The following ZNF846 variants were observed in gnomAD, a reference collection of about 807,000 sequenced individuals.
The protein encoded by ZNF846 is zinc finger protein 846, also known as zinc finger protein 420 pseudogene.
ZNF846 carries 15 observed loss-of-function variants against 16.0 expected under a neutral mutation model. The observed-to-expected ratio is 0.94, with a 90% CI of 0.63 to 1.45. The LOEUF is 1.45. ZNF846 is among the 40% of genes most tolerant of loss of function. The pLI is 0.00. For missense variants in ZNF846, 714 were observed against 622.3 expected, an observed-to-expected ratio of 1.15 and a Z score of -1.57; for synonymous variants, 229 against 212.0, an observed-to-expected ratio of 1.08 and a Z score of -0.70.
At chr19:9,763,884 T>G (rs2045270767) in intron 2 of ZNF846, among the ~76,000 whole-genome samples, 1 of 152,210 alleles carries the variant, frequency 6.6e-6, no homozygotes, top group African/African-American at 2.4e-5. Flanking sequence ...GGAGACCCAC[T>G]GAAACTATTG....
At position 9,762,453 on chromosome 19, in the gene ZNF846, C is replaced by T. The variant is rs149039071; in HGVS notation, c.143-285G>A. The T allele has an allele frequency of 1.4e-3, 354 of 260,464 alleles. 4 individuals carry two copies. The East Asian group carries it at 0.027, about 20-fold the overall frequency. The allele number at this position is 260,464 out of a possible 1,614,324, so 16.1% of individuals were successfully genotyped here. On this transcript the variant is annotated intron_variant, in intron 3 of 5. Transcript: ENST00000397902. ...AGGAGTTCAAGACCAGCCTGGCCAACGTGGTGAAACTTCCTCTCTACTAAA... is the reference window on the plus strand; with the variant it reads ...AGGAGTTCAAGACCAGCCTGGCCAATGTGGTGAAACTTCCTCTCTACTAAA...
chr19:9,749,620 C>T (rs1440056735), downstream of ZNF846, among the ~76,000 whole-genome samples: 3 of 148,724 alleles, frequency 2.0e-5, no homozygotes, highest in African/African-American at 7.5e-5. Flanking sequence ...CTCTCTACCT[C>T]TCCCTAGTTA....
chr19:9,759,507 G>A (rs2045187736), intron 5 of ZNF846, among the ~76,000 whole-genome samples: 2 of 151,700 alleles, frequency 1.3e-5, no homozygotes, highest in Admixed American at 1.3e-4. Context: ...GGAGGCTGAG[G>A]CTGGAGGATC....
chr19:9,778,111 G>A (rs988898981), intron 1 of ZNF846, among the ~76,000 whole-genome samples: 4 of 151,942 alleles, frequency 2.6e-5, no homozygotes. Flanking sequence ...AGACCTAATG[G>A]TATATCTACT....
intron 1 of ZNF846, among the ~76,000 whole-genome samples, chr19:9,785,270 T>C (rs150081373): frequency 6.8e-6 from 1 of 146,380 alleles, no homozygotes; most frequent in Non-Finnish European, 1.5e-5. Flanking sequence ...CGATCTCGGC[T>C]CACTGCAACT....
chr19:9,749,174 C>T (rs918674192), downstream of ZNF846, among the ~76,000 whole-genome samples: 7 of 152,182 alleles, frequency 4.6e-5, no homozygotes, highest in African/African-American at 9.7e-5. Flanking sequence ...TAAACTCACT[C>T]GCATTTCTGA....
At chr19:9,768,303 A>G (rs2045349869) in exon 1 of ZNF846, 1 of 151,844 alleles carries the variant, frequency 6.6e-6, no homozygotes, top group Non-Finnish European at 1.5e-5. Context: ...ACGCACTGCA[A>G]TCGCCCTGTC....
intron 1 of ZNF846, among the ~76,000 whole-genome samples, chr19:9,779,189 C>T (rs1444872195): frequency 6.6e-6 from 1 of 152,140 alleles, no homozygotes. Context: ...ACTGTAGCTT[C>T]GGGGTGTCAC....
At chr19:9,762,204 C>G in intron 3 of ZNF846, 36 bp from the exon 4 acceptor site, 1 of 1,504,960 alleles carries the variant, frequency 6.6e-7, no homozygotes, top group Non-Finnish European at 9.2e-7. Flanking sequence ...GAGGCCCATG[C>G]AAGACATAAC....
rs542486634 is a variant in ZNF846, at chr19:9,785,218, T to G, written c.-86+720A>C. Reference sequence around the variant, plus strand: ...CACCGAGATTTTTTTTTTTTTTTTTTTTTGAGACGGAGTCTCGCTCTATCA... The same window carrying G: ...CACCGAGATTTTTTTTTTTTTTTTTGTTTGAGACGGAGTCTCGCTCTATCA... On this transcript the variant is annotated intron_variant, in intron 1 of 4. Coordinates refer to the ZNF846 transcript ENST00000586814. Among the ~76,000 whole-genome samples, 1,333 of 149,858 alleles carry G rather than the reference T, an allele frequency of 8.9e-3. 17 individuals are homozygous for G. The highest frequency in any genetic ancestry group is 0.03 in the African/African-American group (1,223 of 40,710).
At chr19:9,768,994 G>A (rs2045364387), upstream of ZNF846, among the ~76,000 whole-genome samples, 1 of 152,228 alleles carries the variant, frequency 6.6e-6, no homozygotes, top group Non-Finnish European at 1.5e-5. Flanking sequence ...GGGGACTGGC[G>A]CAGCGGGCGG....
At chr19:9,751,692 C>A (rs1599379438), downstream of ZNF846, among the ~76,000 whole-genome samples, 1 of 152,120 alleles carries the variant, frequency 6.6e-6, no homozygotes, top group East Asian at 1.9e-4. Context: ...TTGTAACATT[C>A]CTCCCTGCCT....
intron 2 of ZNF846, among the ~76,000 whole-genome samples, chr19:9,764,389 T>C (rs918264143): frequency 2.6e-5 from 4 of 152,308 alleles, no homozygotes; most frequent in South Asian, 2.1e-4. Flanking sequence ...CTGTTAGAAA[T>C]TACTGACACA....
chr19:9,756,688 T>C (rs954707492), downstream of ZNF846: 1 of 148,806 alleles, frequency 6.7e-6, no homozygotes, highest in Non-Finnish European at 1.5e-5. Flanking sequence ...AGTGAAGATC[T>C]TGTAGCCTTT....
At chr19:9,752,695 T>C (rs1020792972), downstream of ZNF846, among the ~76,000 whole-genome samples, 2 of 150,366 alleles carry the variant, frequency 1.3e-5, no homozygotes, top group Non-Finnish European at 3.0e-5. Flanking sequence ...CATTCTAGAA[T>C]GCCTTGTAGC....
chr19:9,751,735 T>C (rs2045085389), downstream of ZNF846, among the ~76,000 whole-genome samples: 1 of 152,180 alleles, frequency 6.6e-6, no homozygotes, highest in African/African-American at 2.4e-5. Flanking sequence ...CCCTTGTGAA[T>C]GTACTTTGTA....
chr19:9,756,320 C>CAT (rs1257250896), downstream of ZNF846: 1 of 80,870 alleles, frequency 1.2e-5, no homozygotes, highest in South Asian at 3.9e-4. Flanking sequence ...TGTGTGTGTG[C>CAT]ATATATATGT....
chr19:9,774,328 C>T (rs1263021307), intron 1 of ZNF846, among the ~76,000 whole-genome samples: 1 of 151,950 alleles, frequency 6.6e-6, no homozygotes, highest in African/African-American at 2.4e-5. Context: ...ATTAGCCAGG[C>T]GTGGTGGCAG....
At chr19:9,755,316 G>A (rs1240882630), downstream of ZNF846, among the ~76,000 whole-genome samples, 1 of 151,472 alleles carries the variant, frequency 6.6e-6, no homozygotes, top group Non-Finnish European at 1.5e-5. Flanking sequence ...TACTGTCCAT[G>A]ACAAGTCGTC....
Sources: allele counts gnomAD v4.1 joint callset (sites outside exome capture counted in the v4.1 genomes callset), GRCh38; gene constraint gnomAD v4.1.1; transcripts MANE v1.5; gene names NCBI Gene and HGNC (gene_info 2026-07-23, HGNC 2026-07-21).